Variants in MYBPC1 observed in about 807,000 individuals in gnomAD.
MYBPC1 encodes myosin-binding protein C, slow-type.
A neutral mutation model predicts 147.1 loss-of-function variants in MYBPC1; 52 were observed. That is an observed-to-expected ratio of 0.35 (90% CI 0.28 to 0.45). The LOEUF (loss-of-function observed/expected upper bound fraction) is 0.45. Among genes scored for constraint, MYBPC1 ranks in the 20% least tolerant of loss-of-function variants. The probability of loss-of-function intolerance (pLI) is 1.00; values close to 1 mark genes in which losing one functional copy is unlikely to be tolerated. For missense variants in MYBPC1, 1,228 were observed against 1,440.3 expected (o/e 0.85, Z 2.39); for synonymous variants, 477 against 475.9 (o/e 1.00, Z -0.03).
chr12:101,636,642 C>A, intron 9 of MYBPC1, 30 bp from the exon 10 acceptor site: 1 of 1,607,210 alleles, frequency 6.2e-7, no homozygotes, highest in African/African-American at 1.3e-5. Context: ...TGCATTAAAC[C>A]CAGATTTGCT....
At chr12:101,602,829 G>A (rs12146808) in intron 1 of MYBPC1, among the ~76,000 whole-genome samples, 19,323 of 152,078 alleles carry the variant, frequency 0.13, 1,390 homozygotes, top group African/African-American at 0.15. Context: ...CAAATAAAAG[G>A]TCTATACTCC....
intron 21 of MYBPC1, among the ~76,000 whole-genome samples, chr12:101,662,841 G>C (rs770420999): frequency 5.2e-4 from 79 of 152,172 alleles, no homozygotes; most frequent in Non-Finnish European, 9.3e-4. Flanking sequence ...ATGGACATGT[G>C]AGTACTTTCC....
At chr12:101,611,315 T>C (rs555175600) in intron 1 of MYBPC1, among the ~76,000 whole-genome samples, 1 of 152,388 alleles carries the variant, frequency 6.6e-6, no homozygotes, top group African/African-American at 2.4e-5. Context: ...TTTTGATTTT[T>C]GGTCTGTTAC....
intron 1 of MYBPC1, among the ~76,000 whole-genome samples, chr12:101,599,586 A>G (rs1878970067): frequency 1.3e-5 from 2 of 152,144 alleles, no homozygotes; most frequent in South Asian, 4.1e-4. Flanking sequence ...TATTTCAAAC[A>G]CCGAAATCAA....
At chr12:101,667,142 T>A (rs1594008066) in intron 22 of MYBPC1, among the ~76,000 whole-genome samples, 2 of 152,356 alleles carry the variant, frequency 1.3e-5, no homozygotes, top group East Asian at 3.9e-4. Context: ...AAGGATAGAA[T>A]TCTACCAACT....
intron 1 of MYBPC1, 50 bp downstream of exon 1, chr12:101,595,145 A>T: frequency 1.4e-6 from 2 of 1,477,158 alleles, no homozygotes; most frequent in Non-Finnish European, 1.9e-6. Context: ...TAAAGTGTTT[A>T]TTTTGGTATT....
At chr12:101,684,209 C>T (rs991099735) in intron 30 of MYBPC1, among the ~76,000 whole-genome samples, 173 bp from the exon 31 acceptor site, 1 of 152,034 alleles carries the variant, frequency 6.6e-6, no homozygotes, top group Non-Finnish European at 1.5e-5. Flanking sequence ...TGGATCCCCA[C>T]CCTTCATTTC....
At chr12:101,677,636 T>C (rs1002191648) in intron 27 of MYBPC1, among the ~76,000 whole-genome samples, 1 of 152,234 alleles carries the variant, frequency 6.6e-6, no homozygotes, top group Admixed American at 6.5e-5. Flanking sequence ...AGTGGATCTA[T>C]AAATGGCTAA....
intron 1 of MYBPC1, among the ~76,000 whole-genome samples, chr12:101,614,048 A>G (rs1441653122): frequency 1.3e-5 from 2 of 152,152 alleles, no homozygotes; most frequent in Non-Finnish European, 2.9e-5. Flanking sequence ...TGCTCACCAT[A>G]TGCTTGCTAC....
intron 9 of MYBPC1, 47 bp from the exon 10 acceptor site, chr12:101,636,625 A>G (rs747703944): frequency 2.0e-6 from 3 of 1,527,586 alleles, no homozygotes; most frequent in East Asian, 4.5e-5. Flanking sequence ...ATTGTTGTGT[A>G]TGTCTCTGCA....
chr12:101,665,014 A>G (rs1020521352), intron 22 of MYBPC1, among the ~76,000 whole-genome samples: 1 of 152,164 alleles, frequency 6.6e-6, no homozygotes, highest in Non-Finnish European at 1.5e-5. Context: ...CCTTTTGTGT[A>G]TGTATGAATC....
chr12:101,693,524 T>C, the MYBPC1 span, among the ~76,000 whole-genome samples: 1 of 152,092 alleles, frequency 6.6e-6, no homozygotes, highest in Admixed American at 6.5e-5. Context: ...GAGGATCATT[T>C]GGGGTCAGGC....
At chr12:101,626,417 G>C (rs1000334214) in intron 3 of MYBPC1, among the ~76,000 whole-genome samples, 1 of 152,124 alleles carries the variant, frequency 6.6e-6, no homozygotes, top group Non-Finnish European at 1.5e-5. Flanking sequence ...TTAATCATGA[G>C]GTTTTCTGGG....
At chr12:101,641,115 G>GAAAAAAAA (rs34380289) in intron 10 of MYBPC1, among the ~76,000 whole-genome samples, 2 of 105,964 alleles carry the variant, frequency 1.9e-5, no homozygotes, top group Non-Finnish European at 1.9e-5. Flanking sequence ...CTGTCTCAAA[G>GAAAAAAAA]AAAAAAAAAA....
chr12:101,663,645 G>A (rs1896955540), intron 22 of MYBPC1, 85 bp downstream of exon 22: 1 of 1,439,678 alleles, frequency 6.9e-7, no homozygotes, highest in South Asian at 1.2e-5. Context: ...TCTTTCTTGA[G>A]AACGCATCAC....
At chr12:101,615,679 C>CCA (rs1885801209) in intron 2 of MYBPC1, among the ~76,000 whole-genome samples, 1 of 117,750 alleles carries the variant, frequency 8.5e-6, no homozygotes, top group Non-Finnish European at 1.8e-5. Context: ...CCCCGCCCCC[C>CCA]CACACCAAGC....
At chr12:101,617,298 G>T in intron 3 of MYBPC1, 55 bp downstream of exon 3, 2 of 1,567,772 alleles carry the variant, frequency 1.3e-6, no homozygotes, top group Admixed American at 1.7e-5. Context: ...GAAGCAGAAA[G>T]AAGTCAGTAA....
At chr12:101,650,864 A>T (rs1025272424) in intron 15 of MYBPC1, 37 of 332,934 alleles carry the variant, frequency 1.1e-4, no homozygotes, top group African/African-American at 6.4e-4. Flanking sequence ...GTGAAGCAGT[A>T]GAAAGAGGAT....
chr12:101,615,518 T>A (rs1054582010), intron 2 of MYBPC1, among the ~76,000 whole-genome samples: 1 of 152,318 alleles, frequency 6.6e-6, no homozygotes, highest in East Asian at 1.9e-4. Flanking sequence ...TTGTACCAGA[T>A]GTAGTGGGGA....
Sources: gnomAD v4.1 joint callset for allele counts (sites outside exome capture counted in the v4.1 genomes callset) on GRCh38, gnomAD v4.1.1 for gene constraint, MANE v1.5 for transcripts, NCBI Gene and HGNC (gene_info 2026-07-23, HGNC 2026-07-21) for gene names.